The following MBP variants were observed in gnomAD, a reference collection of about 807,000 sequenced individuals.
The protein encoded by MBP is myelin basic protein.
Under a neutral mutation model 35.8 loss-of-function variants are expected in MBP, and 16 were observed. The ratio of observed to expected loss-of-function variants is 0.45; its 90% CI spans 0.30 to 0.68. The LOEUF (loss-of-function observed/expected upper bound fraction) is 0.68, where lower values mean the gene tolerates loss of function less well. Ranked by LOEUF, MBP falls within the 30% of genes least tolerant of loss-of-function variation. MBP has a pLI of 0.08. For synonymous variants in MBP, 143 were observed against 159.6 expected (o/e 0.90, Z 0.78); for missense variants, 380 against 404.7 (o/e 0.94, Z 0.52).
intron 2 of MBP, among the ~76,000 whole-genome samples, chr18:77,073,813 C>T (rs746352302): frequency 6.6e-6 from 1 of 152,222 alleles, no homozygotes; most frequent in African/African-American, 2.4e-5. Flanking sequence ...TGCTCTTCAG[C>T]CAGCTCGATG....
At chr18:77,105,424 G>A in intron 1 of MBP, 138 bp from the exon 2 acceptor site, 1 of 550,254 alleles carries the variant, frequency 1.8e-6, no homozygotes, top group South Asian at 1.8e-5. Flanking sequence ...CCTGAAAACA[G>A]AAGAGACACG....
chr18:77,078,104 GA>G (rs1974736944), intron 2 of MBP, among the ~76,000 whole-genome samples: 1 of 152,218 alleles, frequency 6.6e-6, no homozygotes, highest in Non-Finnish European at 1.5e-5. Context: ...AACAGTGGAA[GA>G]TGCATTTTCA....
rs759971167 is a variant in MBP, at chr18:76,994,904, G to A, written c.577-4844C>T. 2.1e-4 allele frequency among the ~76,000 whole-genome samples: 32 copies of A among 152,286 alleles called. 1 individual carries two copies. Among genetic ancestry groups the A allele is most frequent in the Non-Finnish European group, 7.4e-5 (5 of 68,010 alleles). On this transcript the variant is annotated intron_variant, in intron 4 of 8. Coordinates refer to ENST00000355994, the MANE Select transcript of MBP (RefSeq NM_001025101.2). ...ATTTTTTGGTTATAGATGCATTGAA[G>A]AGTGACTGAACTAGGGCTTTGACTT...
chr18:77,103,491 T>A (rs968105220), intron 2 of MBP, among the ~76,000 whole-genome samples: 3 of 152,320 alleles, frequency 2.0e-5, no homozygotes, highest in African/African-American at 4.8e-5. Flanking sequence ...GGGGAAAACA[T>A]GTATGTTTAA....
At chr18:77,108,181 C>T (rs1426782448) in intron 1 of MBP, 2 of 152,250 alleles carry the variant, frequency 1.3e-5, no homozygotes, top group Non-Finnish European at 2.9e-5. Flanking sequence ...GGATGAAGCT[C>T]TCACTGTCAC....
chr18:76,987,398 A>G, intron 7 of MBP: 1 of 985,460 alleles, frequency 1.0e-6, no homozygotes, highest in Non-Finnish European at 1.2e-6. Context: ...AATATGCATT[A>G]ATGGAAAACG....
In MBP at chr18:77,089,415, AAAG is replaced by A. The variant is rs1404766284; in HGVS notation, c.51+15793_51+15795del. On this transcript the variant is annotated intron_variant, in intron 2 of 8. Transcript: ENST00000355994. ...AAGGAGAGAAGACAGAGAGCTACAC[AAAG>A]AAGAGAAGAGGCAGGGAGAAGGCAG... Among the ~76,000 whole-genome samples the A allele has an allele frequency of 2.0e-5, 3 of 152,362 alleles. 1 individual carries two copies. Among genetic ancestry groups the A allele is most frequent in the Admixed American group, 6.5e-5 (1 of 15,310 alleles).
chr18:77,043,968 C>T (rs1306236284), intron 3 of MBP, among the ~76,000 whole-genome samples: 3 of 152,150 alleles, frequency 2.0e-5, no homozygotes, highest in Middle Eastern at 6.3e-3. Context: ...CCCTGCCATT[C>T]CCCCAGCTGC....
At chr18:76,987,542 C>T in intron 7 of MBP, 3 of 985,510 alleles carry the variant, frequency 3.0e-6, no homozygotes, top group Non-Finnish European at 2.4e-6. Flanking sequence ...TTTTCTTTCC[C>T]TGTTCTTTCT....
At chr18:77,030,941 G>A (rs759269504) in intron 3 of MBP, among the ~76,000 whole-genome samples, 2 of 152,118 alleles carry the variant, frequency 1.3e-5, no homozygotes, top group African/African-American at 2.4e-5. Flanking sequence ...CAAGTCCTTC[G>A]GGGGCAACCT....
intron 2 of MBP, among the ~76,000 whole-genome samples, chr18:77,100,718 A>AT (rs1975974201): frequency 6.6e-6 from 1 of 151,928 alleles, no homozygotes; most frequent in South Asian, 2.1e-4. Context: ...TGCCCAGCTA[A>AT]TTTTTTGATT....
At chr18:77,027,650 T>C (rs2123562529) in intron 3 of MBP, among the ~76,000 whole-genome samples, 1 of 152,280 alleles carries the variant, frequency 6.6e-6, no homozygotes, top group Middle Eastern at 3.4e-3. Context: ...TTTCTGTATA[T>C]TTTCAACATG....
Position 76,988,433 on chromosome 18 carries a change from G to C in MBP, c.750+62C>G, listed in dbSNP as rs1167087560. The C allele has an allele frequency of 6.2e-7, 1 of 1,614,112 alleles. No individual in the cohort carries two copies. The highest frequency in any genetic ancestry group is 1.3e-5 in the African/African-American group (1 of 74,926). ...AACCGAAACAGAGCAGAACACAAAA[G>C]TTGCGGGGCTGTGAGGACTGGGACG... On this transcript the variant is annotated intron_variant, in intron 7 of 8. Transcript: ENST00000355994. This position sits in a 1 kb window ranked among gnomAD's most constrained non-coding sequence, Gnocchi z 5.2.
At chr18:76,997,196 T>C (rs575671189) in intron 4 of MBP, among the ~76,000 whole-genome samples, 6 of 152,342 alleles carry the variant, frequency 3.9e-5, no homozygotes, top group Non-Finnish European at 4.4e-5. Context: ...AAAGAAAAAC[T>C]TCTGTGGGAT....
chr18:77,022,444 C>T (rs531700800), intron 3 of MBP, among the ~76,000 whole-genome samples: 7 of 152,122 alleles, frequency 4.6e-5, no homozygotes, highest in East Asian at 3.9e-4. Flanking sequence ...TATGTAAGAA[C>T]GCTAAGCTTT....
intron 2 of MBP, among the ~76,000 whole-genome samples, chr18:77,066,993 G>T (rs1305383577): frequency 6.6e-6 from 1 of 152,238 alleles, no homozygotes; most frequent in Non-Finnish European, 1.5e-5. Context: ...GTCGTTTGGG[G>T]CCCGAATGGC....
At chr18:76,994,448 C>T (rs1970155341) in intron 4 of MBP, among the ~76,000 whole-genome samples, 1 of 152,228 alleles carries the variant, frequency 6.6e-6, no homozygotes. Context: ...AATGCTCAGT[C>T]ACGCTATGCA....
rs3214873 is a variant in MBP at position 77,098,168 on chromosome 18, C to CTTTTTTTTTTTTTTTTTT, written c.51+7025_51+7042dup. 2.3e-3 allele frequency among the ~76,000 whole-genome samples: 251 copies of CTTTTTTTTTTTTTTTTTT among 108,486 alleles called. 12 individuals are homozygous for CTTTTTTTTTTTTTTTTTT. The highest frequency in any genetic ancestry group is 0.013 in the East Asian group (40 of 3,114). The allele number at this position is 108,486 out of a possible 152,430, so 71.2% of individuals were successfully genotyped here. ...TTCTGAGGACAGACACAAGGACTTC[C>CTTTTTTTTTTTTTTTTTT]TTTTTTTTTTTTTTTTTTTTTACAA... is the stretch of plus-strand genomic sequence containing the variant. On this transcript the variant is annotated intron_variant, in intron 2 of 8. Transcript: ENST00000355994.
rs1171187668 is a variant in MBP at position 77,131,077 on chromosome 18, ACG to A, written c.-26+1501_-26+1502del. ...AAAAACAAAACACACACACGCGCGC[ACG>A]CACGCGCACACACACACACACACAC... On this transcript the variant is annotated intron_variant, in intron 1 of 8. Coordinates refer to ENST00000355994, the MANE Select transcript of MBP (RefSeq NM_001025101.2). This position sits in a 1 kb window ranked among gnomAD's most constrained non-coding sequence, Gnocchi z 5.5. 1.1e-3 allele frequency among the ~76,000 whole-genome samples: 147 copies of A among 133,084 alleles called. No individual in the cohort carries two copies. Among genetic ancestry groups the A allele is most frequent in the African/African-American group, 3.4e-3 (107 of 31,880 alleles). 87.3% of individuals were successfully genotyped at this position (133,084 alleles called of 152,430 possible).
Sources: gnomAD v4.1 joint callset for allele counts (sites outside exome capture counted in the v4.1 genomes callset) on GRCh38, gnomAD v4.1.1 for gene constraint, Gnocchi (gnomAD v3.1) non-coding constraint, MANE v1.5 for transcripts, NCBI Gene and HGNC (gene_info 2026-07-23, HGNC 2026-07-21) for gene names.